Variants in HPS5 observed in about 807,000 individuals in gnomAD.
HPS5 encodes HPS5 biogenesis of lysosomal organelles complex 2 subunit 2, also known as BLOC-2 complex member HPS5.
A neutral mutation model predicts 128.0 loss-of-function variants in HPS5; 83 were observed. That is an observed-to-expected ratio of 0.65 (90% CI 0.54 to 0.78). The LOEUF (loss-of-function observed/expected upper bound fraction) is 0.78, where lower values mean the gene tolerates loss of function less well. Ranked by LOEUF, HPS5 falls within the 30% of genes least tolerant of loss-of-function variation. HPS5 has a pLI of 0.00. For synonymous variants in HPS5, 475 were observed against 470.2 expected, an observed-to-expected ratio of 1.01 and a Z score of -0.13; for missense variants, 1,281 against 1,326.2, an observed-to-expected ratio of 0.97 and a Z score of 0.53.
At chr11:18,297,466 G>C in intron 11 of HPS5, 93 bp downstream of exon 11, 1 of 1,204,040 alleles carries the variant, frequency 8.3e-7, no homozygotes, top group Non-Finnish European at 1.2e-6. Context: ...AAATGGAAAG[G>C]ACAACAAATT....
At position 18,308,992 on chromosome 11, in the gene HPS5, G is replaced by A. The variant is rs1233408806; in HGVS notation, c.565C>T (p.Leu189=). The change falls in exon 6 of 23, where the codon CTA becomes TTA. Residue 189 remains leucine (L), a synonymous_variant. Transcript: ENST00000349215. Reference sequence around the variant, plus strand: ...GATCGAGTAAGTGAAGATATAAGTAGCCTTCCATCCAAATAATCTAACTGT... The same window carrying A: ...GATCGAGTAAGTGAAGATATAAGTAACCTTCCATCCAAATAATCTAACTGT... ...VVQLDYLDGR[L]LISSLTRSFL... is the part of the protein sequence containing the mutation. 1 of 1,613,580 alleles carries A rather than the reference G, an allele frequency of 6.2e-7. No homozygotes were observed. Among genetic ancestry groups the A allele is most frequent in the Non-Finnish European group, 8.5e-7 (1 of 1,179,644 alleles).
intron 6 of HPS5, 31 bp downstream of exon 6, chr11:18,308,915 A>G (rs1452007413): frequency 1.9e-6 from 3 of 1,612,030 alleles, no homozygotes; most frequent in East Asian, 4.5e-5. Flanking sequence ...AAAATTCTGC[A>G]TTTCTGATGA....
intron 18 of HPS5, 77 bp downstream of exon 18, chr11:18,287,458 T>C: frequency 7.3e-6 from 11 of 1,504,984 alleles, no homozygotes; most frequent in Non-Finnish European, 9.3e-6. Flanking sequence ...CAGTACACAA[T>C]GTGACACCTG....
At position 18,279,658 on chromosome 11, in the gene HPS5, G is replaced by A; in HGVS notation, c.*224C>T. 3.5e-6 allele frequency: 2 copies of A among 575,990 alleles called. No homozygotes were observed. The highest frequency in any genetic ancestry group is 4.1e-5 in the South Asian group (2 of 48,638). The allele number at this position is 575,990 out of a possible 1,614,324, so 35.7% of individuals were successfully genotyped here. On this transcript the variant is annotated 3_prime_UTR_variant, in exon 23 of 23. Transcript: ENST00000349215. ...TGACTCTTTTCAAAATTCAACTTTG[G>A]TTAAGAAATGCTGAGTACAACTTTG...
At chr11:18,280,979 AATACCACTGAGCTGAAT>A (rs534987815) in intron 22 of HPS5, among the ~76,000 whole-genome samples, 118 of 152,310 alleles carry the variant, frequency 7.7e-4, no homozygotes, top group African/African-American at 2.7e-3. Flanking sequence ...TGAATAACTT[AATACCACTGAGCTGAAT>A]ATTTTTAAAT....
At chr11:18,317,274 TTGA>T (rs1248869590) in intron 2 of HPS5, among the ~76,000 whole-genome samples, 7 of 151,436 alleles carry the variant, frequency 4.6e-5, no homozygotes, top group Non-Finnish European at 1.0e-4. Context: ...TTTTTTTTTT[TTGA>T]GAGAGTCTTA....
At chr11:18,302,872 TA>T (rs1861894169) in intron 8 of HPS5, among the ~76,000 whole-genome samples, 1 of 118,102 alleles carries the variant, frequency 8.5e-6, no homozygotes, top group Non-Finnish European at 1.6e-5. Context: ...TACAGGATCA[TA>T]ATTTTGATAC....
chr11:18,297,798 G>T, intron 10 of HPS5, 81 bp from the exon 11 acceptor site: 1 of 1,367,846 alleles, frequency 7.3e-7, no homozygotes, highest in Non-Finnish European at 1.0e-6. Flanking sequence ...AAGAGGTCTA[G>T]GCCGGGCACG....
intron 2 of HPS5, among the ~76,000 whole-genome samples, chr11:18,313,369 T>C (rs570985163): frequency 6.6e-6 from 1 of 152,386 alleles, no homozygotes; most frequent in South Asian, 2.1e-4. Context: ...TGACTAGCTG[T>C]CTCACCTGTT....
At chr11:18,287,107 G>A (rs1436469659) in intron 18 of HPS5, among the ~76,000 whole-genome samples, 6 of 152,076 alleles carry the variant, frequency 3.9e-5, no homozygotes, top group Non-Finnish European at 8.8e-5. Context: ...GGAGGAAGCC[G>A]CTAGTCTAAT....
chr11:18,318,577 T>A (rs1564989238), intron 1 of HPS5, among the ~76,000 whole-genome samples: 1 of 152,240 alleles, frequency 6.6e-6, no homozygotes, highest in Non-Finnish European at 1.5e-5. Flanking sequence ...GAGGACTTTG[T>A]AAAGTAACAC....
intron 10 of HPS5, among the ~76,000 whole-genome samples, chr11:18,298,261 G>A (rs763447826): frequency 6.6e-6 from 1 of 151,960 alleles, no homozygotes; most frequent in Non-Finnish European, 1.5e-5. Context: ...GGAGGCCAAA[G>A]TGGGCGGATC....
intron 22 of HPS5, among the ~76,000 whole-genome samples, chr11:18,281,098 T>C (rs1290267343): frequency 3.3e-5 from 5 of 151,482 alleles, no homozygotes; most frequent in South Asian, 2.1e-4. Flanking sequence ...TTTTTTTTTT[T>C]CAGAGTTTTG....
intron 21 of HPS5, among the ~76,000 whole-genome samples, chr11:18,283,523 T>C (rs1055860108): frequency 6.6e-6 from 1 of 151,732 alleles, no homozygotes; most frequent in African/African-American, 2.4e-5. Flanking sequence ...AAACAACATA[T>C]GGAAAGCACA....
chr11:18,282,025 C>T lies in HPS5; in HGVS notation c.3254G>A (p.Cys1085Tyr), dbSNP rs763516906. ...CTCTGACAACTCAAGGGCCAGACCACATTCCTGTAGCAGTGACCAAGCCCG... is the reference window on the plus strand; with the variant it reads ...CTCTGACAACTCAAGGGCCAGACCATATTCCTGTAGCAGTGACCAAGCCCG... ...PDRAWSLLQE[C>Y]GLALELSEKF... The change falls in exon 22 of 23, where the codon TGT becomes TAT. Residue 1085 changes from cysteine (C) to tyrosine (Y), a missense_variant. By Grantham distance (194) the Cys-to-Tyr change is radical (BLOSUM62 -2). Transcript: ENST00000349215. The T allele has an allele frequency of 1.9e-6, 3 of 1,614,108 alleles. No homozygotes were observed. In the Admixed American group the frequency reaches 5.0e-5, roughly 27 times the overall value.
chr11:18,300,661 C>T (rs141563906), intron 9 of HPS5, among the ~76,000 whole-genome samples, 167 bp downstream of exon 9: 97 of 143,772 alleles, frequency 6.7e-4, no homozygotes, highest in African/African-American at 2.4e-3. Flanking sequence ...CGCACCAGTG[C>T]ACTCCAGCCT....
In HPS5 at chr11:18,300,940, AT is replaced by A. The variant is rs773645669; in HGVS notation, c.897-25del. 14 of 1,357,438 alleles carry A rather than the reference AT, an allele frequency of 1.0e-5. No homozygotes were observed. The South Asian group carries it at 1.3e-4, about 12-fold the overall frequency. The allele number at this position is 1,357,438 out of a possible 1,614,324, so 84.1% of individuals were successfully genotyped here. A position where few individuals can be genotyped will look rare whatever the true frequency, so the allele number is the denominator to read the frequency against. On this transcript the variant is annotated intron_variant, in intron 8 of 22. Coordinates refer to ENST00000349215, the MANE Select transcript of HPS5 (RefSeq NM_181507.2). ...CACTGCAAGAGAAGAAGTGAAGAGA[AT>A]TCAAGTGTGCTAGGATACAAAAGTT...
In HPS5 at chr11:18,296,095, A is replaced by G. The variant is rs1861032632; in HGVS notation, c.1538T>C (p.Phe513Ser). Residue 513 changes from phenylalanine to serine, a missense_variant, in exon 13 of 23, where the codon TTT becomes TCT. Coordinates refer to ENST00000349215, the MANE Select transcript of HPS5 (RefSeq NM_181507.2). ...AAAAGTTTCATTCTTATCTGTCTCA[A>G]ACATCACTGGAGCATGAGAAACATT... is the stretch of plus-strand genomic sequence containing the variant. ...EDNVSHAPVM[F>S]ETDKNETFLP... 6.2e-7 allele frequency: 1 copy of G among 1,613,504 alleles called. No homozygotes were observed. The highest frequency in any genetic ancestry group is 8.5e-7 in the Non-Finnish European group (1 of 1,179,406).
intron 4 of HPS5, 113 bp from the exon 5 acceptor site, chr11:18,311,046 A>C (rs1862925960): frequency 1.2e-6 from 1 of 804,228 alleles, no homozygotes; most frequent in East Asian, 2.5e-5. Context: ...TCTTCAGAAA[A>C]GAGGAAGTAT....
Sources: allele counts gnomAD v4.1 joint callset (sites outside exome capture counted in the v4.1 genomes callset), GRCh38; gene constraint gnomAD v4.1.1; transcripts MANE v1.5; gene names NCBI Gene and HGNC (gene_info 2026-07-23, HGNC 2026-07-21).